The following KCNQ2 variants were observed in gnomAD, a reference collection of about 807,000 sequenced individuals.
The protein encoded by KCNQ2 is potassium voltage-gated channel subfamily KQT member 2.
KCNQ2 carries 14 observed loss-of-function variants against 84.8 expected under a neutral mutation model. The ratio of observed to expected loss-of-function variants is 0.17; its 90% CI spans 0.11 to 0.26. The LOEUF is 0.26. KCNQ2 is among the 10% of genes least tolerant of loss of function. The pLI is 1.00. For missense variants in KCNQ2, 788 were observed against 1,254.0 expected (o/e 0.63, Z 5.61); for synonymous variants, 599 against 554.1 (o/e 1.08, Z -1.14).
At chr20:63,429,805 G>GC (rs113459930) in intron 9 of KCNQ2, among the ~76,000 whole-genome samples, 1,756 of 152,132 alleles carry the variant, frequency 0.012, 36 homozygotes, top group African/African-American at 0.04. Flanking sequence ...AGCCTCTGGT[G>GC]CCCCCCCACA....
At position 63,431,337 on chromosome 20, in the gene KCNQ2, T is replaced by A; in HGVS notation, c.1148+3A>T. The A allele has an allele frequency of 6.2e-7, 1 of 1,613,596 alleles. No homozygotes were observed. On this transcript the variant is annotated splice_donor_region_variant and intron_variant, in intron 9 of 16. Coordinates refer to ENST00000359125, the MANE Select transcript of KCNQ2 (RefSeq NM_172107.4). ...ACAGGGCTTCTGTCCATGCATTTCC[T>A]ACCTGGAGGCCCCGTAGGTTTGAGT...
intron 2 of KCNQ2, 139 bp from the exon 3 acceptor site, chr20:63,445,503 C>CCCCCTAAGGG: frequency 1.2e-6 from 1 of 856,802 alleles, no homozygotes; most frequent in East Asian, 2.6e-5. Flanking sequence ...GCAAGCTGAC[C>CCCCCTAAGGG]CCCCCACCCC....
At chr20:63,431,530 GA>G (rs2080787060) in intron 8 of KCNQ2, among the ~76,000 whole-genome samples, 161 bp from the exon 9 acceptor site, 1 of 152,016 alleles carries the variant, frequency 6.6e-6, no homozygotes, top group Admixed American at 6.5e-5. Flanking sequence ...CCTGGGCTGA[GA>G]GAGGTCACTT....
At chr20:63,452,893 G>A (rs979637402) in intron 1 of KCNQ2, among the ~76,000 whole-genome samples, 7 of 152,182 alleles carry the variant, frequency 4.6e-5, no homozygotes, top group Admixed American at 6.5e-5. Context: ...CGACGCGCCA[G>A]CCGGAGCTCC....
chr20:63,459,637 G>C (rs1286230652), intron 1 of KCNQ2: 1 of 152,198 alleles, frequency 6.6e-6, no homozygotes, highest in African/African-American at 2.4e-5. Flanking sequence ...GGGGTGACAA[G>C]TTTTCAAATA....
chr20:63,464,643 C>T lies in KCNQ2; in HGVS notation c.296+7525G>A, dbSNP rs141258103. On this transcript the variant is annotated intron_variant, in intron 1 of 16. Coordinates refer to ENST00000359125, the MANE Select transcript of KCNQ2 (RefSeq NM_172107.4). ...AAGCACCTGCACACTAGCTCCCCGA[C>T]GCTGGAACAGGGCCATGGCCCTGCG... Among the ~76,000 whole-genome samples, 843 of 152,304 alleles carry T rather than the reference C, an allele frequency of 5.5e-3. 3 individuals carry two copies. The highest frequency in any genetic ancestry group is 0.019 in the African/African-American group (796 of 41,568).
Position 63,445,349 on chromosome 20 carries a change from C to G in KCNQ2, c.403G>C (p.Val135Leu), listed in dbSNP as rs775649577. ...ALYILEIVTI[V>L]VFGVEYFVRI... ...ACGAAGTACTCCACGCCAAACACCA[C>G]GATAGTCACGATTTCCTGCAGGGGA... Residue 135 changes from valine (V) to leucine (L), a missense_variant, in exon 3 of 17, where the codon GTG (valine) becomes CTG (leucine). Around this residue, in one of 8 missense-constraint regions of KCNQ2, gnomAD observed 106 missense variants for 214.8 expected, o/e 0.49. Coordinates refer to ENST00000359125, the MANE Select transcript of KCNQ2 (RefSeq NM_172107.4). 2 of 1,613,736 alleles carry G rather than the reference C, an allele frequency of 1.2e-6. No individual in the cohort carries two copies. The highest frequency in any genetic ancestry group is 2.2e-5 in the East Asian group (1 of 44,878).
At chr20:63,430,873 G>C (rs2080768197) in intron 9 of KCNQ2, among the ~76,000 whole-genome samples, 5 of 152,212 alleles carry the variant, frequency 3.3e-5, no homozygotes, top group Admixed American at 2.6e-4. Flanking sequence ...GCTGGTCTGG[G>C]GGTCCTGGCC....
At chr20:63,458,358 T>C (rs2081859446) in intron 1 of KCNQ2, among the ~76,000 whole-genome samples, 3 of 152,008 alleles carry the variant, frequency 2.0e-5, no homozygotes, top group Admixed American at 2.0e-4. Context: ...CAGTGCCTCA[T>C]GGTGGACCCC....
Position 63,428,248 on chromosome 20 carries a change from C to T in KCNQ2, c.1217+119G>A, listed in dbSNP as rs535365789. ...CCACCATCACCAAGTCCAGCGTCCC[C>T]GCGCGTCCCAGCTCCCTGGAGTCCC... On this transcript the variant is annotated intron_variant, in intron 10 of 16. Transcript: ENST00000359125. 6 of 759,718 alleles carry T rather than the reference C, an allele frequency of 7.9e-6. No individual in the cohort carries two copies. In the Admixed American group the frequency reaches 8.4e-5, roughly 11 times the overall value. 47.1% of individuals were successfully genotyped at this position (759,718 alleles called of 1,614,324 possible). A position where few individuals can be genotyped will look rare whatever the true frequency, so the allele number is the denominator to read the frequency against.
intron 8 of KCNQ2, among the ~76,000 whole-genome samples, chr20:63,431,665 G>A (rs2080790888): frequency 6.6e-6 from 1 of 152,062 alleles, no homozygotes; most frequent in South Asian, 2.1e-4. Context: ...GACCCCAGAG[G>A]GCGACTGCAA....
intron 1 of KCNQ2, among the ~76,000 whole-genome samples, chr20:63,448,812 C>G (rs570072466): frequency 6.6e-6 from 1 of 152,340 alleles, no homozygotes; most frequent in South Asian, 2.1e-4. Flanking sequence ...GGCCGGGGCA[C>G]TGGCCACAGG....
At chr20:63,468,838 G>C (rs1023192025) in intron 1 of KCNQ2, among the ~76,000 whole-genome samples, 1 of 150,008 alleles carries the variant, frequency 6.7e-6, no homozygotes, top group African/African-American at 2.4e-5. Flanking sequence ...CAAGCAATCT[G>C]CACCCCCAAG....
chr20:63,443,041 A>G (rs1367211403), intron 4 of KCNQ2, among the ~76,000 whole-genome samples: 1 of 67,460 alleles, frequency 1.5e-5, no homozygotes, highest in African/African-American at 6.2e-5. Flanking sequence ...CACCACCACC[A>G]TCACCATCAT....
At chr20:63,412,125 G>A (rs908486314) in intron 15 of KCNQ2, 2 of 494,186 alleles carry the variant, frequency 4.0e-6, no homozygotes, top group Non-Finnish European at 7.3e-6. Context: ...CGGAGACCCG[G>A]GTGCCACGTC....
In KCNQ2 at chr20:63,438,770, A is replaced by C; in HGVS notation, c.928-50T>G. 2.0e-6 allele frequency: 3 copies of C among 1,482,144 alleles called. No homozygotes were observed. Among genetic ancestry groups the C allele is most frequent in the Non-Finnish European group, 2.8e-6 (3 of 1,081,740 alleles). 91.8% of individuals were successfully genotyped at this position (1,482,144 alleles called of 1,614,324 possible). On this transcript the variant is annotated intron_variant, in intron 6 of 16. Coordinates refer to ENST00000359125, the MANE Select transcript of KCNQ2 (RefSeq NM_172107.4). This position sits in a 1 kb window ranked among gnomAD's most constrained non-coding sequence, Gnocchi z 5.1. ...CACCCCAGGGACCCCCCACACCCCA[A>C]TTCATCAGGGTCAGACCATGCTCTG...
chr20:63,409,272 C>T lies in KCNQ2; in HGVS notation c.1764-736G>A, dbSNP rs140566849. 5.8e-4 allele frequency among the ~76,000 whole-genome samples: 89 copies of T among 152,252 alleles called. 1 individual carries two copies. In the East Asian group the frequency reaches 8.3e-3, roughly 14 times the overall value. ...CATTGCACAAGTTTCTGTGTGCACG[C>T]GTGTGCATGTGTTCATGTGTGCAAG... is the stretch of plus-strand genomic sequence containing the variant. On this transcript the variant is annotated intron_variant, in intron 15 of 16. Coordinates refer to ENST00000359125, the MANE Select transcript of KCNQ2 (RefSeq NM_172107.4).
chr20:63,431,458 G>T, intron 8 of KCNQ2, 89 bp from the exon 9 acceptor site: 1 of 1,408,644 alleles, frequency 7.1e-7, no homozygotes, highest in Non-Finnish European at 1.0e-6. Context: ...ACAAATAGTT[G>T]AGGAAAGTAG....
In KCNQ2 at chr20:63,415,012, G is replaced by T; in HGVS notation, c.1416C>A (p.Ser472Arg). Residue 472 changes from serine to arginine, a missense_variant, in exon 13 of 17, where the codon AGC (serine) becomes AGA (arginine). Around this residue, in one of 8 missense-constraint regions of KCNQ2, gnomAD observed 202 missense variants for 239.4 expected, o/e 0.84. Transcript: ENST00000359125. ...TVRRSPSADQ[S>R]LEDSPSKVPK... ...GCACCTTGCTGGGGCTGTCCTCGAG[G>T]CTCTGGTCGGCGCTGGGTGACCGCC... The T allele has an allele frequency of 6.2e-7, 1 of 1,610,566 alleles. No homozygotes were observed.
Sources: allele counts gnomAD v4.1 joint callset (sites outside exome capture counted in the v4.1 genomes callset), GRCh38; gene constraint gnomAD v4.1.1; regional missense constraint gnomAD v4.1.1; non-coding constraint Gnocchi (gnomAD v3.1); transcripts MANE v1.5; gene names NCBI Gene and HGNC (gene_info 2026-07-23, HGNC 2026-07-21).